The following NLRP5 variants were observed in gnomAD, a reference collection of about 807,000 sequenced individuals.
The protein encoded by NLRP5 is NLR family pyrin domain containing 5.
In NLRP5, 93 loss-of-function variants were observed where a neutral mutation model predicts 113.1. The ratio of observed to expected loss-of-function variants is 0.82; its 90% CI spans 0.70 to 0.98. NLRP5 has a LOEUF of 0.98. Among genes scored for constraint, NLRP5 ranks in the 50% least tolerant of loss-of-function variants. NLRP5 has a pLI of 0.00. For missense variants in NLRP5, 1,808 were observed against 1,514.3 expected, an observed-to-expected ratio of 1.19 and a Z score of -3.22; for synonymous variants, 751 against 600.7, an observed-to-expected ratio of 1.25 and a Z score of -3.66.
chr19:56,041,939 A>G (rs1983538017), intron 11 of NLRP5, among the ~76,000 whole-genome samples: 1 of 152,214 alleles, frequency 6.6e-6, no homozygotes, highest in African/African-American at 2.4e-5. Flanking sequence ...AGCCTGGGCA[A>G]CAGAGTGAGA....
intron 1 of NLRP5, among the ~76,000 whole-genome samples, chr19:56,000,507 G>GGCGCCCGCCACC (rs1296709277): frequency 6.6e-6 from 1 of 151,824 alleles, no homozygotes; most frequent in African/African-American, 2.4e-5. Context: ...TGGGACTACA[G>GGCGCCCGCCACC]GCGCCCGCCA....
intron 13 of NLRP5, among the ~76,000 whole-genome samples, chr19:56,055,991 T>C (rs532739083): frequency 6.6e-6 from 1 of 152,154 alleles, no homozygotes; most frequent in Non-Finnish European, 1.5e-5. Context: ...AAACAGGCAA[T>C]GGCGAGTTGC....
the NLRP5 span, among the ~76,000 whole-genome samples, chr19:55,991,629 C>T: frequency 1.3e-5 from 2 of 151,962 alleles, no homozygotes; most frequent in South Asian, 2.1e-4. Flanking sequence ...GGGATTTCAT[C>T]GTTACATTTG....
At position 56,019,395 on chromosome 19, in the gene NLRP5, C is replaced by A. The variant is rs565850613; in HGVS notation, c.619C>A (p.Gln207Lys). The A allele has an allele frequency of 1.5e-5, 24 of 1,613,746 alleles. No homozygotes were observed. In the Admixed American group the frequency reaches 3.0e-4, roughly 20 times the overall value. The change falls in exon 5 of 15, where the codon CAA becomes AAA. Residue 207 changes from glutamine (Q) to lysine (K), a missense_variant. Coordinates refer to ENST00000390649, the MANE Select transcript of NLRP5 (RefSeq NM_153447.4). ...TGCCACAGCAGCAGAGACAGAAGAA[C>A]AAGGTGAGGAAAATAGATGTATTCC...
At chr19:56,031,453 A>AT (rs1983110094) in intron 7 of NLRP5, among the ~76,000 whole-genome samples, 1 of 151,710 alleles carries the variant, frequency 6.6e-6, no homozygotes, top group Non-Finnish European at 1.5e-5. Flanking sequence ...ACATGGTGAA[A>AT]CCCCATCTCT....
Position 56,028,047 on chromosome 19 carries a change from C to T in NLRP5, c.1814C>T (p.Pro605Leu), listed in dbSNP as rs753087182. ...GTGTTAGAGGGCCTGGAAATCGAGC[C>T]AGCTCTCTGCCCTCTGTACGTTGAG... The change falls in exon 7 of 15, where the codon CCA becomes CTA. Residue 605 changes from proline to leucine, a missense_variant. Pro to Leu is a moderately conservative substitution (Grantham distance 98, BLOSUM62 -3). Coordinates refer to ENST00000390649, the MANE Select transcript of NLRP5 (RefSeq NM_153447.4). 6 of 1,614,002 alleles carry T rather than the reference C, an allele frequency of 3.7e-6. No individual in the cohort carries two copies. The highest frequency in any genetic ancestry group is 1.6e-4 in the Middle Eastern group (1 of 6,062).
intron 8 of NLRP5, 23 bp from the exon 9 acceptor site, chr19:56,033,519 G>A (rs747004990): frequency 1.3e-6 from 2 of 1,590,222 alleles, no homozygotes; most frequent in Non-Finnish European, 1.7e-6. Flanking sequence ...AGTGTCGAAT[G>A]TGTCTCCCCT....
chr19:56,032,882 C>G, intron 8 of NLRP5, 101 bp downstream of exon 8: 1 of 1,194,170 alleles, frequency 8.4e-7, no homozygotes, highest in Non-Finnish European at 1.2e-6. Context: ...CAAGTGCAGC[C>G]TGAGGGCATA....
intron 10 of NLRP5, among the ~76,000 whole-genome samples, chr19:56,038,627 C>T: frequency 6.6e-6 from 1 of 152,088 alleles, no homozygotes; most frequent in East Asian, 1.9e-4. Context: ...CTCATGCATT[C>T]TGGGCTTCTG....
chr19:56,000,171 T>C (rs563415165), intron 1 of NLRP5, among the ~76,000 whole-genome samples: 4 of 149,456 alleles, frequency 2.7e-5, no homozygotes, highest in African/African-American at 5.0e-5. Flanking sequence ...TGCCCAGGCA[T>C]GGCCACCTCT....
At chr19:56,058,102 C>A (rs958979085) in intron 13 of NLRP5, 138 bp from the exon 14 acceptor site, 3 of 658,534 alleles carry the variant, frequency 4.6e-6, no homozygotes, top group Non-Finnish European at 7.4e-6. Flanking sequence ...AGGCAGAGCC[C>A]ACCAGTTTCA....
chr19:56,031,984 T>G (rs1351357181), intron 7 of NLRP5, among the ~76,000 whole-genome samples: 1 of 152,134 alleles, frequency 6.6e-6, no homozygotes, highest in Non-Finnish European at 1.5e-5. Flanking sequence ...TTTAGGAACC[T>G]CTGTACTGTT....
chr19:55,999,662 A>G, upstream of NLRP5: 2 of 1,266,562 alleles, frequency 1.6e-6, no homozygotes, highest in South Asian at 2.4e-5. Context: ...AGGTACTCTG[A>G]TTTCCAGCTT....
At chr19:55,996,994 C>A (rs1378087104), upstream of NLRP5, among the ~76,000 whole-genome samples, 3 of 148,900 alleles carry the variant, frequency 2.0e-5, no homozygotes, top group Admixed American at 6.7e-5. Context: ...CTCTCTAGCA[C>A]CTGTTGTTTC....
intron 4 of NLRP5, among the ~76,000 whole-genome samples, chr19:56,016,931 C>T (rs1029276265): frequency 4.6e-5 from 7 of 152,198 alleles, no homozygotes; most frequent in Non-Finnish European, 7.3e-5. Flanking sequence ...GCCTCAGCCT[C>T]CCAAGTAGCT....
intron 4 of NLRP5, among the ~76,000 whole-genome samples, chr19:56,018,232 T>C (rs1338578880): frequency 1.4e-4 from 21 of 152,230 alleles, no homozygotes; most frequent in Non-Finnish European, 2.9e-5. Context: ...ATTCTGTTTG[T>C]GATTTTAAAA....
At chr19:56,026,481 T>C (rs1261721694) in intron 6 of NLRP5, among the ~76,000 whole-genome samples, 1 of 125,874 alleles carries the variant, frequency 7.9e-6, no homozygotes, top group African/African-American at 3.0e-5. Context: ...TGAGCTGAGA[T>C]TGCGCCACTG....
At position 56,050,587 on chromosome 19, in the gene NLRP5, G is replaced by T. The variant is rs556673041; in HGVS notation, c.3127G>T (p.Glu1043Ter). ...ACCATCTTGTCATCTCCAGGACCTG[G>T]AGTGAGTTTCCCATGGGCGTTGGGT... The change falls in exon 12 of 15, where the codon GAG becomes TAG. Residue 1043 changes from glutamate (E) to a stop codon, truncating the protein, a stop_gained and splice_region_variant. Transcript: ENST00000390649. LOFTEE classifies it high-confidence loss of function. The T allele has an allele frequency of 1.2e-6, 2 of 1,613,262 alleles. No homozygotes were observed. The highest frequency in any genetic ancestry group is 1.7e-6 in the Non-Finnish European group (2 of 1,179,482).
intron 14 of NLRP5, among the ~76,000 whole-genome samples, chr19:56,060,909 C>G (rs1984328939): frequency 6.6e-6 from 1 of 152,102 alleles, no homozygotes; most frequent in Non-Finnish European, 1.5e-5. Context: ...TCTCCCCATG[C>G]TGGCTTCAAG....
Sources: allele counts gnomAD v4.1 joint callset (sites outside exome capture counted in the v4.1 genomes callset), GRCh38; gene constraint gnomAD v4.1.1; transcripts MANE v1.5; gene names NCBI Gene and HGNC (gene_info 2026-07-23, HGNC 2026-07-21).